Variants in PTPRM observed in about 807,000 individuals in gnomAD.
PTPRM encodes receptor-type tyrosine-protein phosphatase mu.
Under a neutral mutation model 186.7 loss-of-function variants are expected in PTPRM, and 47 were observed. That is an observed-to-expected ratio of 0.25 (90% CI 0.20 to 0.32). The LOEUF (loss-of-function observed/expected upper bound fraction) is 0.32. Ranked by LOEUF, PTPRM falls within the 10% of genes least tolerant of loss-of-function variation. The pLI, the probability that PTPRM is intolerant of heterozygous loss-of-function variation, is 1.00. For synonymous variants in PTPRM, 668 were observed against 674.9 expected (o/e 0.99, Z 0.16); for missense variants, 1,494 against 1,865.0 (o/e 0.80, Z 3.66).
chr18:8,252,032 A>G (rs141252058), intron 17 of PTPRM, among the ~76,000 whole-genome samples: 16 of 152,330 alleles, frequency 1.1e-4, no homozygotes, highest in African/African-American at 2.6e-4. Flanking sequence ...ATTTCCCTGC[A>G]TAAGACATTT....
At chr18:7,708,447 C>A (rs1230507667) in intron 1 of PTPRM, among the ~76,000 whole-genome samples, 1 of 152,150 alleles carries the variant, frequency 6.6e-6, no homozygotes, top group Admixed American at 6.5e-5. Context: ...GTTAAAAAGG[C>A]TTTTTATACT....
chr18:8,071,761 C>T (rs2089493061), intron 8 of PTPRM, among the ~76,000 whole-genome samples: 1 of 152,214 alleles, frequency 6.6e-6, no homozygotes, highest in African/African-American at 2.4e-5. Flanking sequence ...TACTCTGCTA[C>T]CAGCTGAAGC....
intron 14 of PTPRM, among the ~76,000 whole-genome samples, chr18:8,150,540 A>G (rs566413154): frequency 1.5e-4 from 23 of 152,196 alleles, no homozygotes; most frequent in African/African-American, 4.8e-4. Flanking sequence ...CTAGTTAGCA[A>G]TTTGTCTAAC....
At chr18:8,343,083 T>C (rs1012270190) in intron 22 of PTPRM, among the ~76,000 whole-genome samples, 3 of 152,152 alleles carry the variant, frequency 2.0e-5, no homozygotes, top group Admixed American at 6.5e-5. Flanking sequence ...AGAGTAATGT[T>C]ATCTATTTTT....
chr18:7,976,230 T>C (rs944770514), intron 7 of PTPRM, among the ~76,000 whole-genome samples: 1 of 152,142 alleles, frequency 6.6e-6, no homozygotes, highest in Non-Finnish European at 1.5e-5. Context: ...AACCCATGAC[T>C]ATATATGACA....
intron 7 of PTPRM, among the ~76,000 whole-genome samples, chr18:8,033,974 G>A (rs990177373): frequency 2.0e-5 from 3 of 152,080 alleles, no homozygotes; most frequent in African/African-American, 7.2e-5. Context: ...TGGTTCATTG[G>A]TTTCATCACT....
At chr18:8,194,838 G>A (rs1279510605) in intron 14 of PTPRM, among the ~76,000 whole-genome samples, 2 of 152,224 alleles carry the variant, frequency 1.3e-5, no homozygotes, top group African/African-American at 4.8e-5. Flanking sequence ...CGCAGTGTCA[G>A]TCAGCCCAAG....
chr18:7,899,648 C>G (rs973739246), intron 3 of PTPRM, among the ~76,000 whole-genome samples: 1 of 151,984 alleles, frequency 6.6e-6, no homozygotes, highest in Non-Finnish European at 1.5e-5. Context: ...CCATTTAGTC[C>G]AAATTTAGCT....
In PTPRM at chr18:8,076,461, G is replaced by T. The variant is rs769632993; in HGVS notation, c.1448G>T (p.Gly483Val). The T allele has an allele frequency of 3.8e-5, 60 of 1,590,812 alleles. No homozygotes were observed. Among genetic ancestry groups the T allele is most frequent in the Non-Finnish European group, 5.0e-5 (58 of 1,161,144 alleles). ...LIVQTDEDLP[G>V]AVPTESIQGS... ...TCCTCCCACCCTCCTTTAGTCCCAG[G>T]TGCTGTTCCCACTGAATCCATACAA... Residue 483 changes from glycine to valine, a missense_variant, in exon 9 of 33, where the codon GGT (glycine) becomes GTT (valine). Physicochemically the swap from Gly to Val is moderately radical, Grantham distance 109. Coordinates refer to ENST00000580170, the MANE Select transcript of PTPRM (RefSeq NM_001105244.2).
At chr18:8,158,743 C>A (rs1016171319) in intron 14 of PTPRM, among the ~76,000 whole-genome samples, 6 of 152,174 alleles carry the variant, frequency 3.9e-5, no homozygotes, top group African/African-American at 1.4e-4. Context: ...CCTCAGGAAG[C>A]TTCCAATCAT....
At chr18:7,649,703 C>T (rs113583985) in intron 1 of PTPRM, among the ~76,000 whole-genome samples, 99 of 151,782 alleles carry the variant, frequency 6.5e-4, no homozygotes, top group African/African-American at 2.3e-3. Flanking sequence ...CCAGCCTGGG[C>T]AACAGAGTGA....
At chr18:8,386,434 C>T (rs1037374456) in intron 30 of PTPRM, among the ~76,000 whole-genome samples, 16 of 152,064 alleles carry the variant, frequency 1.1e-4, no homozygotes, top group Non-Finnish European at 1.2e-4. Flanking sequence ...GTGAGGAAAG[C>T]GTGTTGACAA....
intron 32 of PTPRM, chr18:8,404,212 C>T (rs1223251914): frequency 6.6e-6 from 1 of 152,230 alleles, no homozygotes; most frequent in Non-Finnish European, 1.5e-5. Flanking sequence ...CTCGCTAACA[C>T]CTGCGATTTT....
intron 14 of PTPRM, among the ~76,000 whole-genome samples, chr18:8,179,685 G>A (rs773218559): frequency 6.6e-6 from 1 of 151,814 alleles, no homozygotes; most frequent in Admixed American, 6.6e-5. Context: ...GGCCAGGATG[G>A]TCTTGATCTC....
chr18:7,653,465 C>G (rs948940572), intron 1 of PTPRM, among the ~76,000 whole-genome samples: 2 of 152,132 alleles, frequency 1.3e-5, no homozygotes, highest in Admixed American at 6.5e-5. Context: ...TCTCCCTCCT[C>G]CCACCCTCTG....
intron 1 of PTPRM, among the ~76,000 whole-genome samples, chr18:7,742,497 T>C (rs1277234188): frequency 6.6e-6 from 1 of 152,100 alleles, no homozygotes; most frequent in African/African-American, 2.4e-5. Context: ...TGCCAGGAAA[T>C]TGGGTGGATA....
At chr18:8,322,984 T>C (rs1023524843) in intron 22 of PTPRM, among the ~76,000 whole-genome samples, 2 of 152,012 alleles carry the variant, frequency 1.3e-5, no homozygotes, top group Non-Finnish European at 2.9e-5. Context: ...GCCTGACTAA[T>C]GTATTTTATT....
intron 7 of PTPRM, among the ~76,000 whole-genome samples, chr18:7,998,826 T>C (rs2083700138): frequency 6.6e-6 from 1 of 152,142 alleles, no homozygotes; most frequent in African/African-American, 2.4e-5. Context: ...GGCTAATTTC[T>C]GTATTTTTAA....
At chr18:7,947,131 T>C (rs1368938696) in intron 5 of PTPRM, among the ~76,000 whole-genome samples, 3 of 152,234 alleles carry the variant, frequency 2.0e-5, no homozygotes, top group African/African-American at 7.2e-5. Flanking sequence ...CTCAGGTTTA[T>C]CAGTAATAAA....
Sources: gnomAD v4.1 joint callset for allele counts (sites outside exome capture counted in the v4.1 genomes callset) on GRCh38, gnomAD v4.1.1 for gene constraint, MANE v1.5 for transcripts, NCBI Gene and HGNC (gene_info 2026-07-23, HGNC 2026-07-21) for gene names.